The following MAGI2 variants were observed in gnomAD, a reference collection of about 807,000 sequenced individuals.
MAGI2 encodes the protein membrane associated guanylate kinase, WW and PDZ domain containing 2.
MAGI2 carries 35 observed loss-of-function variants against 133.3 expected under a neutral mutation model. The ratio of observed to expected loss-of-function variants is 0.26; its 90% CI spans 0.20 to 0.35. MAGI2 has a LOEUF of 0.35. Ranked by LOEUF, MAGI2 falls within the 10% of genes least tolerant of loss-of-function variation. The probability of loss-of-function intolerance (pLI) is 1.00; values close to 1 mark genes in which losing one functional copy is unlikely to be tolerated. For missense variants in MAGI2, 1,636 were observed against 1,863.4 expected (o/e 0.88, Z 2.25); for synonymous variants, 729 against 710.6 (o/e 1.03, Z -0.41).
intron 1 of MAGI2, among the ~76,000 whole-genome samples, chr7:79,220,047 G>A (rs1263427502): frequency 6.6e-6 from 1 of 151,956 alleles, no homozygotes; most frequent in Non-Finnish European, 1.5e-5. Context: ...CCCTTAATCT[G>A]CTTCTGAATT....
intron 2 of MAGI2, among the ~76,000 whole-genome samples, chr7:78,780,739 G>A (rs929365049): frequency 6.6e-6 from 1 of 152,118 alleles, no homozygotes; most frequent in Non-Finnish European, 1.5e-5. Flanking sequence ...GGTGTTAATT[G>A]TAGTATTTGT....
chr7:78,276,256 G>A (rs2150999096), intron 9 of MAGI2, among the ~76,000 whole-genome samples: 1 of 152,246 alleles, frequency 6.6e-6, no homozygotes, highest in African/African-American at 2.4e-5. Context: ...TTTAGACTTA[G>A]CTCTGAAAGG....
At chr7:78,974,131 C>A (rs1364684540) in intron 2 of MAGI2, among the ~76,000 whole-genome samples, 2 of 151,556 alleles carry the variant, frequency 1.3e-5, no homozygotes, top group African/African-American at 4.8e-5. Flanking sequence ...TTGAAAAACT[C>A]CCTTTAATTA....
intron 2 of MAGI2, among the ~76,000 whole-genome samples, chr7:78,824,208 G>T (rs1270421246): frequency 6.6e-6 from 1 of 152,036 alleles, no homozygotes; most frequent in Non-Finnish European, 1.5e-5. Context: ...CAACACACAA[G>T]GTATAATCAA....
At chr7:79,060,671 G>C (rs1230216622) in intron 1 of MAGI2, among the ~76,000 whole-genome samples, 1 of 152,066 alleles carries the variant, frequency 6.6e-6, no homozygotes, top group Admixed American at 6.6e-5. Flanking sequence ...CAGGACATCT[G>C]ACTCTGGGTA....
chr7:78,595,437 A>C (rs1194490769), intron 3 of MAGI2, among the ~76,000 whole-genome samples: 1 of 152,160 alleles, frequency 6.6e-6, no homozygotes, highest in Admixed American at 6.5e-5. Flanking sequence ...GCTCTCATCT[A>C]ACAAGTTTAA....
chr7:78,509,724 T>G (rs2150552561), intron 4 of MAGI2, among the ~76,000 whole-genome samples: 1 of 152,316 alleles, frequency 6.6e-6, no homozygotes, highest in Non-Finnish European at 1.5e-5. Flanking sequence ...TCCCACCCAG[T>G]TTCATTAAAG....
intron 1 of MAGI2, among the ~76,000 whole-genome samples, chr7:79,200,021 G>A (rs567682009): frequency 2.6e-5 from 4 of 151,844 alleles, no homozygotes; most frequent in African/African-American, 7.3e-5. Context: ...CATGGACACC[G>A]AGATTCCTGA....
At chr7:78,234,023 A>G (rs921579385) in intron 10 of MAGI2, among the ~76,000 whole-genome samples, 7 of 152,184 alleles carry the variant, frequency 4.6e-5, no homozygotes, top group African/African-American at 1.2e-4. Context: ...TGTTCTTTAT[A>G]TAAGTGTGCA....
chr7:78,954,462 G>T (rs1035529172), intron 2 of MAGI2, among the ~76,000 whole-genome samples: 1 of 152,068 alleles, frequency 6.6e-6, no homozygotes, highest in Non-Finnish European at 1.5e-5. Context: ...ATGAAACAAG[G>T]TAAGTCATAC....
intron 1 of MAGI2, among the ~76,000 whole-genome samples, chr7:79,357,137 A>T (rs1290886800): frequency 6.6e-6 from 1 of 152,242 alleles, no homozygotes; most frequent in Non-Finnish European, 1.5e-5. Flanking sequence ...CAAACAGTAC[A>T]GAATAGCCAG....
At chr7:78,896,671 G>T (rs1234249777) in intron 2 of MAGI2, among the ~76,000 whole-genome samples, 1 of 151,800 alleles carries the variant, frequency 6.6e-6, no homozygotes, top group African/African-American at 2.4e-5. Flanking sequence ...GGCTTCAAGC[G>T]ATTCTCGTGC....
chr7:78,744,196 ATTTC>A (rs1822709215), intron 2 of MAGI2, among the ~76,000 whole-genome samples: 2 of 152,268 alleles, frequency 1.3e-5, no homozygotes, highest in South Asian at 4.1e-4. Flanking sequence ...TCGTCATAGA[ATTTC>A]TTTATGAATG....
chr7:78,619,111 C>T (rs562252111), intron 3 of MAGI2: 7 of 150,066 alleles, frequency 4.7e-5, no homozygotes, highest in Admixed American at 2.7e-4. Flanking sequence ...TAGGTCATTC[C>T]ATAGTGCCAT....
intron 2 of MAGI2, among the ~76,000 whole-genome samples, chr7:78,753,477 A>G (rs1254246162): frequency 6.6e-6 from 1 of 152,166 alleles, no homozygotes; most frequent in Non-Finnish European, 1.5e-5. Flanking sequence ...AATATTAAAG[A>G]TATGACATAT....
At chr7:78,151,803 C>T (rs1353509787) in intron 16 of MAGI2, among the ~76,000 whole-genome samples, 1 of 152,150 alleles carries the variant, frequency 6.6e-6, no homozygotes, top group Admixed American at 6.6e-5. Context: ...AAAAATATGT[C>T]ACGCTACCTT....
chr7:79,181,225 T>G (rs1207418997), intron 1 of MAGI2, among the ~76,000 whole-genome samples: 1 of 151,998 alleles, frequency 6.6e-6, no homozygotes, highest in Non-Finnish European at 1.5e-5. Context: ...ATTTCCCTTC[T>G]GCATTGCCCT....
At chr7:78,398,426 T>C (rs1270443823) in intron 6 of MAGI2, among the ~76,000 whole-genome samples, 1 of 152,144 alleles carries the variant, frequency 6.6e-6, no homozygotes, top group Non-Finnish European at 1.5e-5. Context: ...ATTGGACATA[T>C]ATGGAACTTC....
At chr7:79,040,278 C>T (rs10267829) in intron 1 of MAGI2, among the ~76,000 whole-genome samples, 72,944 of 151,832 alleles carry the variant, frequency 0.48, 19,420 homozygotes, top group African/African-American at 0.73. Flanking sequence ...TCTGCCATGA[C>T]TGTGTTTCCG....
Sources: allele counts gnomAD v4.1 joint callset (sites outside exome capture counted in the v4.1 genomes callset), GRCh38; gene constraint gnomAD v4.1.1; transcripts MANE v1.5; gene names NCBI Gene and HGNC (gene_info 2026-07-23, HGNC 2026-07-21).